The following ATP9B variants were observed in gnomAD, a reference collection of about 807,000 sequenced individuals.
ATP9B encodes ATPase phospholipid transporting 9B, also known as probable phospholipid-transporting ATPase IIB.
A neutral mutation model predicts 146.1 loss-of-function variants in ATP9B; 110 were observed. That is an observed-to-expected ratio of 0.75 (90% confidence interval 0.65 to 0.88). The LOEUF (loss-of-function observed/expected upper bound fraction) is 0.88, where lower values mean the gene tolerates loss of function less well. Ranked by LOEUF, ATP9B falls within the 40% of genes least tolerant of loss-of-function variation. ATP9B has a pLI of 0.00. For synonymous variants in ATP9B, 604 were observed against 569.7 expected, an observed-to-expected ratio of 1.06 and a Z score of -0.86; for missense variants, 1,499 against 1,496.4, an observed-to-expected ratio of 1.00 and a Z score of -0.03.
chr18:79,105,336 A>G (rs1265324950), intron 2 of ATP9B, among the ~76,000 whole-genome samples: 2 of 152,230 alleles, frequency 1.3e-5, no homozygotes, highest in East Asian at 3.8e-4. Flanking sequence ...GTTTAACTGC[A>G]GGAGGAAAAT....
chr18:79,256,253 CTAGCTATATA>C (rs1568508316), intron 12 of ATP9B, among the ~76,000 whole-genome samples: 1 of 64,526 alleles, frequency 1.5e-5, no homozygotes. Context: ...TGAATTCTAG[CTAGCTATATA>C]TATATATATA....
At chr18:79,279,352 C>A (rs1002453427) in intron 13 of ATP9B, among the ~76,000 whole-genome samples, 1 of 152,218 alleles carries the variant, frequency 6.6e-6, no homozygotes, top group Admixed American at 6.5e-5. Flanking sequence ...GTTTATGGAA[C>A]TTCAGAAGAA....
rs529000310 is a variant in ATP9B, at chr18:79,086,934, T to C, written c.120-9542T>C. ...TTTATTTATTCATTTGTCTGCTGGG[T>C]TATTTATTTATTTTAACATCTTGCC... On this transcript the variant is annotated intron_variant, in intron 1 of 29. Transcript: ENST00000426216. Among the ~76,000 whole-genome samples the C allele has an allele frequency of 7.9e-5, 12 of 152,318 alleles. No individual in the cohort carries two copies. The South Asian group carries it at 2.5e-3, about 32-fold the overall frequency.
intron 7 of ATP9B, among the ~76,000 whole-genome samples, chr18:79,168,616 G>A (rs1175132277): frequency 6.6e-6 from 1 of 152,118 alleles, no homozygotes; most frequent in Non-Finnish European, 1.5e-5. Context: ...TTGCAGATAG[G>A]CCATGACTGG....
At position 79,253,410 on chromosome 18, in the gene ATP9B, G is replaced by C; in HGVS notation, c.1137G>C (p.Arg379=). 6.2e-7 allele frequency: 1 copy of C among 1,610,862 alleles called. No individual in the cohort carries two copies. Among genetic ancestry groups the C allele is most frequent in the Non-Finnish European group, 8.5e-7 (1 of 1,179,222 alleles). The change falls in exon 12 of 30, where the codon CGG becomes CGC. Residue 379 remains arginine (R), a synonymous_variant. Transcript: ENST00000426216. ...KVGLLDLELN[R]LTKALFLALV... is the part of the protein sequence containing the mutation. ...GTTTGTTGGACCTTGAACTCAATCGGCTGACGAAAGCGCTATTTTTGGCTT... is the reference window on the plus strand; with the variant it reads ...GTTTGTTGGACCTTGAACTCAATCGCCTGACGAAAGCGCTATTTTTGGCTT...
At position 79,196,735 on chromosome 18, in the gene ATP9B, G is replaced by C. The variant is rs1447425280; in HGVS notation, c.954+3472G>C. 5.3e-5 allele frequency among the ~76,000 whole-genome samples: 8 copies of C among 152,274 alleles called. No homozygotes were observed. In the East Asian group the frequency reaches 1.5e-3, roughly 29 times the overall value. On this transcript the variant is annotated intron_variant, in intron 9 of 29. Coordinates refer to ENST00000426216, the MANE Select transcript of ATP9B (RefSeq NM_198531.5). ...GCTCTTTCACACAGAAAATTAATTG[G>C]ATCAGAAAGCCTAAAGGAAAGATAT... is the stretch of plus-strand genomic sequence containing the variant.
rs575262913 is a variant in ATP9B at position 79,317,226 on chromosome 18, C to CA, written c.1773+9999dup. Among the ~76,000 whole-genome samples the CA allele has an allele frequency of 8.6e-5, 13 of 150,428 alleles. No individual in the cohort carries two copies. The East Asian group carries it at 1.8e-3, about 20-fold the overall frequency. The stretch of plus-strand genomic sequence containing the variant: ...AGTTTGGCAATGATGTCTAAGGACA[C>CA]AAAAAAAGCAGAAGTTCTGAAAAAA... On this transcript the variant is annotated intron_variant, in intron 15 of 29. Coordinates refer to ENST00000426216, the MANE Select transcript of ATP9B (RefSeq NM_198531.5).
At chr18:79,148,502 A>C (rs888009323) in intron 6 of ATP9B, among the ~76,000 whole-genome samples, 1 of 152,204 alleles carries the variant, frequency 6.6e-6, no homozygotes, top group Non-Finnish European at 1.5e-5. Context: ...AAAATCACAC[A>C]ATCAGTTGTT....
At chr18:79,198,085 A>G (rs1462720968) in intron 9 of ATP9B, among the ~76,000 whole-genome samples, 4 of 152,190 alleles carry the variant, frequency 2.6e-5, no homozygotes, top group Admixed American at 1.3e-4. Context: ...GTCTTAGTAT[A>G]TTTTTTTAAA....
chr18:79,191,122 C>G (rs771377512), intron 8 of ATP9B, among the ~76,000 whole-genome samples: 3 of 152,088 alleles, frequency 2.0e-5, no homozygotes, highest in African/African-American at 4.8e-5. Flanking sequence ...AGTCTGCCTT[C>G]CACACCCTCC....
intron 25 of ATP9B, among the ~76,000 whole-genome samples, chr18:79,354,739 G>A (rs560416285): frequency 5.3e-5 from 8 of 151,802 alleles, no homozygotes; most frequent in Non-Finnish European, 1.2e-4. Flanking sequence ...GGCAAGGGGC[G>A]AGGCGGCAGG....
chr18:79,247,655 G>A (rs1235860593), intron 11 of ATP9B, among the ~76,000 whole-genome samples: 3 of 152,136 alleles, frequency 2.0e-5, no homozygotes, highest in African/African-American at 7.2e-5. Context: ...GGTTTACTTT[G>A]AACTCCCTTG....
At chr18:79,325,634 G>A (rs1178910912) in intron 15 of ATP9B, among the ~76,000 whole-genome samples, 4 of 152,102 alleles carry the variant, frequency 2.6e-5, no homozygotes, top group Non-Finnish European at 5.9e-5. Flanking sequence ...TGCACTGCAG[G>A]CCTCTCAAAA....
At position 79,118,390 on chromosome 18, in the gene ATP9B, G is replaced by GTT. The variant is rs752788043; in HGVS notation, c.558+5063_558+5064dup. ...AAACACAATCATATTGAACGTTTTT[G>GTT]TTTTTTTTTTTTTTTTTTTTTTTTT... On this transcript the variant is annotated intron_variant, in intron 4 of 29. Coordinates refer to ENST00000426216, the MANE Select transcript of ATP9B (RefSeq NM_198531.5). Among the ~76,000 whole-genome samples the GTT allele has an allele frequency of 4.4e-3, 410 of 93,300 alleles. 22 individuals are homozygous for GTT. Among genetic ancestry groups the GTT allele is most frequent in the Non-Finnish European group, 6.1e-3 (282 of 46,084 alleles). The allele number at this position is 93,300 out of a possible 152,430, so 61.2% of individuals were successfully genotyped here.
At chr18:79,092,256 A>G (rs1289637786) in intron 1 of ATP9B, among the ~76,000 whole-genome samples, 1 of 152,230 alleles carries the variant, frequency 6.6e-6, no homozygotes, top group Non-Finnish European at 1.5e-5. Context: ...GACCAAGATG[A>G]TAGTGACTAC....
At chr18:79,124,442 C>A (rs80343263) in intron 4 of ATP9B, among the ~76,000 whole-genome samples, 2,309 of 152,388 alleles carry the variant, frequency 0.015, 65 homozygotes, top group Admixed American at 0.072. Context: ...TCAGTGGAAA[C>A]CATGGCAAAT....
At chr18:79,212,998 A>C in intron 10 of ATP9B, among the ~76,000 whole-genome samples, 1 of 152,164 alleles carries the variant, frequency 6.6e-6, no homozygotes, top group East Asian at 1.9e-4. Flanking sequence ...ATAATATGTA[A>C]CATATCAAGG....
At chr18:79,320,175 CGTT>C (rs1455422288) in intron 15 of ATP9B, among the ~76,000 whole-genome samples, 6 of 152,226 alleles carry the variant, frequency 3.9e-5, no homozygotes, top group Non-Finnish European at 8.8e-5. Context: ...AGAAATAAGT[CGTT>C]GTGCTTGTTC....
At chr18:79,114,040 G>A (rs1220907308) in intron 4 of ATP9B, among the ~76,000 whole-genome samples, 1 of 151,960 alleles carries the variant, frequency 6.6e-6, no homozygotes, top group Non-Finnish European at 1.5e-5. Context: ...GCACAATCTC[G>A]GCCCACTGCA....
Sources: allele counts gnomAD v4.1 joint callset (sites outside exome capture counted in the v4.1 genomes callset), GRCh38; gene constraint gnomAD v4.1.1; transcripts MANE v1.5; gene names NCBI Gene and HGNC (gene_info 2026-07-23, HGNC 2026-07-21).